Variants in ZNF711 observed in about 807,000 individuals in gnomAD.
The protein encoded by ZNF711 is ZFX family zinc finger ZNF711.
ZNF711 carries 3 observed loss-of-function variants against 43.5 expected under a neutral mutation model. That is an observed-to-expected ratio of 0.07 (90% CI 0.03 to 0.18). ZNF711 has a LOEUF of 0.18. Among genes scored for constraint, ZNF711 ranks in the 10% least tolerant of loss-of-function variants. ZNF711 has a pLI of 1.00. For synonymous variants in ZNF711, 209 were observed against 207.7 expected (o/e 1.01, Z -0.06); for missense variants, 412 against 604.0 (o/e 0.68, Z 3.33).
In ZNF711 at chrX:85,264,405, G is replaced by T. The variant is rs146666191; in HGVS notation, c.753G>T (p.Ala251=). 1 of 1,203,055 alleles carries T rather than the reference G, an allele frequency of 8.3e-7. No homozygotes were observed. The highest frequency in any genetic ancestry group is 1.8e-5 in the African/African-American group (1 of 56,844). ...TTATAAAAGTGTATATATTTAAAGCGGAGGCTGAAGATGATGTTGAAATAG... is the reference window on the plus strand; with the variant it reads ...TTATAAAAGTGTATATATTTAAAGCTGAGGCTGAAGATGATGTTGAAATAG... ...SEVIKVYIFK[A]EAEDDVEIGG... is the part of the protein sequence containing the mutation. Residue 251 remains alanine, a synonymous_variant, in exon 6 of 11, where the codon GCG becomes GCT. Coordinates refer to ENST00000674551, the MANE Select transcript of ZNF711 (RefSeq NM_001330574.2).
At chrX:85,256,099 A>T (rs1231836671) in intron 5 of ZNF711, among the ~76,000 whole-genome samples, 1 of 111,733 alleles carries the variant, frequency 8.9e-6, no homozygotes, top group Non-Finnish European at 1.9e-5. Context: ...TGATAAATAT[A>T]TATATTTCAA....
chrX:85,245,376 C>T (rs949097424), intron 1 of ZNF711, among the ~76,000 whole-genome samples: 1 of 112,499 alleles, frequency 8.9e-6, no homozygotes, highest in Non-Finnish European at 1.9e-5. Context: ...AGAAGCCTAG[C>T]TATCTCTAAT....
chrX:85,256,197 A>C, intron 5 of ZNF711, among the ~76,000 whole-genome samples: 1 of 108,767 alleles, frequency 9.2e-6, no homozygotes, highest in Non-Finnish European at 1.9e-5. Context: ...GAACTTAAGC[A>C]GAATATGTTA....
At chrX:85,254,674 C>CGCCCG (rs1347935939) in intron 4 of ZNF711, among the ~76,000 whole-genome samples, 1 of 86,035 alleles carries the variant, frequency 1.2e-5, no homozygotes, top group Non-Finnish European at 2.2e-5. Context: ...CAGTGGCGGG[C>CGCCCG]GCCTGTAGTC....
chrX:85,259,693 G>T (rs1002996570), intron 5 of ZNF711, among the ~76,000 whole-genome samples: 1 of 110,670 alleles, frequency 9.0e-6, no homozygotes, highest in African/African-American at 3.3e-5. Flanking sequence ...TCTCAGCTTG[G>T]ATGTTGTTGG....
chrX:85,258,100 A>G (rs1262549510), intron 5 of ZNF711, among the ~76,000 whole-genome samples: 1 of 112,603 alleles, frequency 8.9e-6, no homozygotes, highest in African/African-American at 3.2e-5. Context: ...TCATAGCAGC[A>G]CAATTTGCAA....
intron 4 of ZNF711, among the ~76,000 whole-genome samples, chrX:85,248,172 T>A (rs758921170): frequency 2.8e-4 from 21 of 74,428 alleles, no homozygotes; most frequent in African/African-American, 1.1e-3. Flanking sequence ...TTTTTTTTTT[T>A]TAAAAAAAAA....
chrX:85,252,379 C>T (rs1439566353), intron 4 of ZNF711, among the ~76,000 whole-genome samples: 2 of 111,743 alleles, frequency 1.8e-5, no homozygotes, highest in African/African-American at 6.5e-5. Flanking sequence ...GATCTGAAAC[C>T]AAGTCCCCAC....
Position 85,270,603 on chromosome X carries a change from T to C in ZNF711, c.1247-48T>C, listed in dbSNP as rs766901641. The C allele has an allele frequency of 4.5e-6, 5 of 1,114,763 alleles. No individual in the cohort carries two copies. The Admixed American group carries it at 1.2e-4, about 27-fold the overall frequency. 91.9% of individuals were successfully genotyped at this position (1,114,763 alleles called of 1,213,427 possible). Reference sequence around the variant, plus strand: ...TTTGGCACCTTTGTTATAAAATCCTTTAAAACAGTCTGACCAAATGTCACA... The same window carrying C: ...TTTGGCACCTTTGTTATAAAATCCTCTAAAACAGTCTGACCAAATGTCACA... On this transcript the variant is annotated intron_variant, in intron 10 of 10. Coordinates refer to ENST00000674551, the MANE Select transcript of ZNF711 (RefSeq NM_001330574.2).
intron 4 of ZNF711, among the ~76,000 whole-genome samples, chrX:85,248,910 A>G (rs1332807865): frequency 8.9e-6 from 1 of 112,038 alleles, no homozygotes; most frequent in Non-Finnish European, 1.9e-5. Context: ...GCCGTATTCT[A>G]GTCATGGCAG....
rs1425159818 is a variant in ZNF711 at position 85,270,970 on chromosome X, C to G, written c.1566C>G (p.His522Gln). Residue 522 changes from histidine (H) to glutamine (Q), a missense_variant, in exon 11 of 11, where the codon CAC becomes CAG. Coordinates refer to ENST00000674551, the MANE Select transcript of ZNF711 (RefSeq NM_001330574.2). ...TAAGAGACAAGGAGCCGAAGATGCA[C>G]AAGTGCAAATACTGTGACTATGAAA... ...LILRDKEPKM[H>Q]KCKYCDYETA... 8.3e-7 allele frequency: 1 copy of G among 1,211,004 alleles called. No individual in the cohort carries two copies. The highest frequency in any genetic ancestry group is 3.0e-5 in the East Asian group (1 of 33,776).
chrX:85,270,513 G>A, intron 10 of ZNF711, 138 bp from the exon 11 acceptor site: 1 of 593,239 alleles, frequency 1.7e-6, no homozygotes, highest in Admixed American at 3.1e-5. Context: ...CTTTTATTAT[G>A]TATTTTTTAT....
chrX:85,266,355 TTATTG>T (rs1931091631), intron 7 of ZNF711, among the ~76,000 whole-genome samples: 1 of 111,377 alleles, frequency 9.0e-6, no homozygotes, highest in Admixed American at 9.6e-5. Flanking sequence ...ATTTTTTTAT[TTATTG>T]GTAAGGAAAG....
At chrX:85,269,107 C>T (rs764995649) in intron 9 of ZNF711, among the ~76,000 whole-genome samples, 1 of 111,492 alleles carries the variant, frequency 9.0e-6, no homozygotes, top group South Asian at 3.8e-4. Flanking sequence ...AAATTGCCTA[C>T]CATATGTTAA....
Position 85,271,820 on chromosome X carries a change from C to G in ZNF711, c.2416C>G (p.Leu806Val). The G allele has an allele frequency of 8.3e-7, 1 of 1,201,534 alleles. No individual in the cohort carries two copies. The highest frequency in any genetic ancestry group is 1.1e-6 in the Non-Finnish European group (1 of 886,773). ...TATTATGAGGCACCACAAAGAGGCT[C>G]TTATGTAATAAGATCAATATAAAGA... ...QHIMRHHKEA[L>V]M Residue 806 changes from leucine to valine, a missense_variant, in exon 11 of 11, where the codon CTT becomes GTT. This residue lies in a region of ZNF711 where 12 missense variants were observed against 17.6 expected (regional missense o/e 0.68). Transcript: ENST00000674551.
Position 85,273,249 on chromosome X carries a change from G to T in ZNF711, c.*1421G>T, listed in dbSNP as rs963591583. On this transcript the variant is annotated 3_prime_UTR_variant, in exon 11 of 11. Coordinates refer to ENST00000674551, the MANE Select transcript of ZNF711 (RefSeq NM_001330574.2). Reference sequence around the variant, plus strand: ...ATCTACTAAAATTGTGTGTTATGTGGCTGTAAATGATGTACACGCTGTAAA... The same window carrying T: ...ATCTACTAAAATTGTGTGTTATGTGTCTGTAAATGATGTACACGCTGTAAA... 9.0e-6 allele frequency: 1 copy of T among 111,712 alleles called. No individual in the cohort carries two copies. The allele number at this position is 111,712 out of a possible 1,213,427, so 9.2% of individuals were successfully genotyped here.
chrX:85,261,950 A>G (rs971870280), intron 5 of ZNF711, among the ~76,000 whole-genome samples: 3 of 110,949 alleles, frequency 2.7e-5, no homozygotes, highest in Non-Finnish European at 5.7e-5. Flanking sequence ...AGTCTTTGTT[A>G]ATTTCGTACT....
At chrX:85,253,764 GACAC>G (rs756155292) in intron 4 of ZNF711, among the ~76,000 whole-genome samples, 2,094 of 90,434 alleles carry the variant, frequency 0.023, 23 homozygotes, top group African/African-American at 0.045. Context: ...TGTGTTCACA[GACAC>G]ACACACACAC....
intron 4 of ZNF711, among the ~76,000 whole-genome samples, chrX:85,253,717 G>T (rs1384949814): frequency 8.3e-5 from 9 of 108,111 alleles, no homozygotes; most frequent in South Asian, 4.1e-4. Context: ...CAATGAAGAT[G>T]CAGAGCTGTT....
Sources: allele counts gnomAD v4.1 joint callset (sites outside exome capture counted in the v4.1 genomes callset), GRCh38; gene constraint gnomAD v4.1.1; regional missense constraint gnomAD v4.1.1; transcripts MANE v1.5; gene names NCBI Gene and HGNC (gene_info 2026-07-23, HGNC 2026-07-21).